The following NTRK2 variants were observed in gnomAD, a reference collection of about 807,000 sequenced individuals.
NTRK2 encodes neurotrophic receptor tyrosine kinase 2.
In NTRK2, 13 loss-of-function variants were observed where a neutral mutation model predicts 94.5. That is an observed-to-expected ratio of 0.14 (90% CI 0.09 to 0.22). The LOEUF is 0.22. NTRK2 is among the 10% of genes least tolerant of loss of function. The pLI is 1.00. For synonymous variants in NTRK2, 372 were observed against 407.4 expected, an observed-to-expected ratio of 0.91 and a Z score of 1.05; for missense variants, 639 against 1,071.2, an observed-to-expected ratio of 0.60 and a Z score of 5.63.
At chr9:84,810,609 G>C in intron 12 of NTRK2, 1 of 1,613,908 alleles carries the variant, frequency 6.2e-7, no homozygotes, top group South Asian at 1.1e-5. Flanking sequence ...AGAGAAAGGG[G>C]CTGTGGTGCT....
In NTRK2 at chr9:84,781,922, C is replaced by T. The variant is rs115623128; in HGVS notation, c.1396+29837C>T. On this transcript the variant is annotated intron_variant, in intron 12 of 18. Coordinates refer to ENST00000277120, the MANE Select transcript of NTRK2 (RefSeq NM_006180.6). Reference sequence around the variant, plus strand: ...TAGTAAAGTCATTTATATCAAGGCTCTTCGTAACGATTTTTTAATGGAGGA... The same window carrying T: ...TAGTAAAGTCATTTATATCAAGGCTTTTCGTAACGATTTTTTAATGGAGGA... Among the ~76,000 whole-genome samples the T allele has an allele frequency of 5.6e-3, 859 of 152,186 alleles. 15 individuals carry two copies. The highest frequency in any genetic ancestry group is 0.02 in the African/African-American group (820 of 41,514).
intron 16 of NTRK2, among the ~76,000 whole-genome samples, chr9:84,951,414 C>A (rs2078778344): frequency 6.6e-6 from 1 of 152,142 alleles, no homozygotes; most frequent in Non-Finnish European, 1.5e-5. Flanking sequence ...TCCCATTGTT[C>A]CCATGCCCCA....
At position 84,865,095 on chromosome 9, in the gene NTRK2, G is replaced by T. The variant is rs539795629; in HGVS notation, c.1445-2148G>T. 3.9e-5 allele frequency among the ~76,000 whole-genome samples: 6 copies of T among 152,250 alleles called. No individual in the cohort carries two copies. The South Asian group carries it at 1.2e-3, about 32-fold the overall frequency. On this transcript the variant is annotated intron_variant, in intron 13 of 18. Transcript: ENST00000277120. ...AGCTGGATGATCTAGGCCTGTCAGG[G>T]AGCAAGTAGCAGAACAGGGATGATT... is the stretch of plus-strand genomic sequence containing the variant.
chr9:84,870,126 T>TATATATATATATATACACAC (rs774255186), intron 14 of NTRK2, among the ~76,000 whole-genome samples: 1 of 95,654 alleles, frequency 1.0e-5, no homozygotes, highest in African/African-American at 4.3e-5. Flanking sequence ...TATATATATA[T>TATATATATATATATACACAC]ACACACACAC....
chr9:84,764,576 C>A (rs1406669229), intron 12 of NTRK2, among the ~76,000 whole-genome samples: 2 of 152,078 alleles, frequency 1.3e-5, no homozygotes, highest in African/African-American at 4.8e-5. Flanking sequence ...ATCACTATAT[C>A]AAAAATATTA....
At chr9:84,809,743 G>A (rs972679547) in intron 12 of NTRK2, among the ~76,000 whole-genome samples, 3 of 151,712 alleles carry the variant, frequency 2.0e-5, no homozygotes, top group Non-Finnish European at 4.4e-5. Context: ...TTAGCCGCGC[G>A]TGGTGGCACA....
intron 12 of NTRK2, among the ~76,000 whole-genome samples, chr9:84,802,634 G>A (rs1222417571): frequency 1.3e-5 from 2 of 152,228 alleles, no homozygotes; most frequent in Non-Finnish European, 2.9e-5. Context: ...TAACTCAAGT[G>A]AGGGGTTCTG....
chr9:84,690,557 A>AG (rs2059987560), intron 2 of NTRK2, among the ~76,000 whole-genome samples: 1 of 151,728 alleles, frequency 6.6e-6, no homozygotes, highest in East Asian at 1.9e-4. Context: ...ACAAAAAAAA[A>AG]CATTAGCTGG....
intron 9 of NTRK2, among the ~76,000 whole-genome samples, chr9:84,735,102 A>T (rs1298739735): frequency 6.6e-6 from 1 of 152,150 alleles, no homozygotes; most frequent in Non-Finnish European, 1.5e-5. Context: ...CATTAAAAAA[A>T]TTGTCATTTT....
intron 2 of NTRK2, among the ~76,000 whole-genome samples, chr9:84,688,831 A>G (rs555207023): frequency 6.6e-6 from 1 of 152,346 alleles, no homozygotes; most frequent in Non-Finnish European, 1.5e-5. Flanking sequence ...GTAGACATGC[A>G]TAATGGATTG....
At position 85,025,440 on chromosome 9, in the gene NTRK2, C is replaced by G. The variant is rs1832985899; in HGVS notation, c.*4003C>G. The G allele has an allele frequency of 1.3e-5, 3 of 233,218 alleles. No individual in the cohort carries two copies. Among genetic ancestry groups the G allele is most frequent in the African/African-American group, 6.6e-5 (3 of 45,436 alleles). 14.4% of individuals were successfully genotyped at this position (233,218 alleles called of 1,614,324 possible). ...AAGGCCAATGATGAGCAGTCCAAGACCCCACAGCGAGATGAGCAACTCTTA... is the reference window on the plus strand; with the variant it reads ...AAGGCCAATGATGAGCAGTCCAAGAGCCCACAGCGAGATGAGCAACTCTTA... On this transcript the variant is annotated 3_prime_UTR_variant, in exon 19 of 19. Transcript: ENST00000277120.
chr9:84,762,962 C>G (rs1355968188), intron 12 of NTRK2, among the ~76,000 whole-genome samples: 1 of 152,142 alleles, frequency 6.6e-6, no homozygotes, highest in Non-Finnish European at 1.5e-5. Flanking sequence ...TGTCCATCTT[C>G]CCAGTTGTCC....
At chr9:84,743,982 G>T (rs1234636093) in intron 10 of NTRK2, among the ~76,000 whole-genome samples, 4 of 152,068 alleles carry the variant, frequency 2.6e-5, no homozygotes, top group Non-Finnish European at 5.9e-5. Context: ...ATTTAAATTG[G>T]TTGCCCTGAG....
chr9:84,678,693 A>G (rs1349691695), intron 2 of NTRK2, among the ~76,000 whole-genome samples: 2 of 152,160 alleles, frequency 1.3e-5, no homozygotes, highest in Non-Finnish European at 2.9e-5. Context: ...AGGTGTGACA[A>G]AAAAACACAC....
At chr9:84,861,988 C>T (rs554892645) in intron 13 of NTRK2, among the ~76,000 whole-genome samples, 11 of 152,272 alleles carry the variant, frequency 7.2e-5, no homozygotes, top group African/African-American at 2.4e-4. Context: ...TCCATCCTGA[C>T]GTCAGACCTT....
At chr9:84,915,837 A>G (rs1175881973) in intron 14 of NTRK2, among the ~76,000 whole-genome samples, 1 of 152,220 alleles carries the variant, frequency 6.6e-6, no homozygotes, top group East Asian at 1.9e-4. Flanking sequence ...ACTCAAGTGT[A>G]GAAGAACACT....
intron 12 of NTRK2, among the ~76,000 whole-genome samples, chr9:84,836,930 T>C (rs932190760): frequency 7.9e-6 from 1 of 125,924 alleles, no homozygotes; most frequent in Middle Eastern, 3.9e-3. Flanking sequence ...GAGCTTGTCG[T>C]AGAGTATAAT....
At position 84,992,985 on chromosome 9, in the gene NTRK2, G is replaced by A. The variant is rs545037885; in HGVS notation, c.2173-27221G>A. On this transcript the variant is annotated intron_variant, in intron 17 of 18. Transcript: ENST00000277120. ...ACTAAACCCTTAGTGAAACCTCTCTGGAAATCAAGCCAATAGGCATTTCCA... is the reference window on the plus strand; with the variant it reads ...ACTAAACCCTTAGTGAAACCTCTCTAGAAATCAAGCCAATAGGCATTTCCA... 9.2e-5 allele frequency among the ~76,000 whole-genome samples: 14 copies of A among 151,470 alleles called. No homozygotes were observed. In the South Asian group the frequency reaches 2.9e-3, roughly 32 times the overall value.
chr9:84,856,176 A>C (rs2075053333), intron 12 of NTRK2, among the ~76,000 whole-genome samples: 1 of 152,220 alleles, frequency 6.6e-6, no homozygotes, highest in South Asian at 2.1e-4. Context: ...AGTTTGATGA[A>C]GGACAAGGGA....
Sources: allele counts gnomAD v4.1 joint callset (sites outside exome capture counted in the v4.1 genomes callset), GRCh38; gene constraint gnomAD v4.1.1; transcripts MANE v1.5; gene names NCBI Gene and HGNC (gene_info 2026-07-23, HGNC 2026-07-21).